The following C20orf203 variants were observed in gnomAD, a reference collection of about 807,000 sequenced individuals.
C20orf203 encodes uncharacterized protein C20orf203.
In C20orf203, 16 loss-of-function variants were observed where a neutral mutation model predicts 15.9. That is an observed-to-expected ratio of 1.01 (90% confidence interval 0.68 to 1.53). The LOEUF (loss-of-function observed/expected upper bound fraction) is 1.53. Ranked by LOEUF, C20orf203 falls within the 40% of genes most tolerant of loss-of-function variation. The pLI is 0.00. For synonymous variants in C20orf203, 98 were observed against 97.2 expected (o/e 1.01, Z -0.05); for missense variants, 263 against 247.5 (o/e 1.06, Z -0.42).
Position 32,663,489 on chromosome 20 carries a change from T to C in C20orf203, c.-264+10143A>G, listed in dbSNP as rs2145680435. ...ATTAAAATGCACACATATATACATA[T>C]ATATATGATCTATATGGAAAAACAA... On this transcript the variant is annotated intron_variant, in intron 1 of 5. Coordinates refer to ENST00000608990, the MANE Select transcript of C20orf203 (RefSeq NM_182584.4). Among the ~76,000 whole-genome samples the C allele has an allele frequency of 2.0e-5, 3 of 152,276 alleles. No individual in the cohort carries two copies. The Middle Eastern group carries it at 0.01, about 518-fold the overall frequency.
chr20:32,637,950 G>GTGTGTGTGCAGGTGCATGTATGGGCA (rs1982182704), intron 5 of C20orf203, among the ~76,000 whole-genome samples: 1 of 151,922 alleles, frequency 6.6e-6, no homozygotes, highest in Non-Finnish European at 1.5e-5. Flanking sequence ...ATGTATGGGC[G>GTGTGTGTGCAGGTGCATGTATGGGCA]TGTGTGTGCG....
Position 32,651,107 on chromosome 20 carries a change from G to A in C20orf203, c.46C>T (p.Leu16=), listed in dbSNP as rs773780235. The A allele has an allele frequency of 8.5e-6, 12 of 1,413,684 alleles. No homozygotes were observed. Among genetic ancestry groups the A allele is most frequent in the African/African-American group, 1.4e-5 (1 of 69,146 alleles). The allele number at this position is 1,413,684 out of a possible 1,614,324, so 87.6% of individuals were successfully genotyped here. The change falls in exon 3 of 6, where the codon CTG becomes TTG. Residue 16 remains leucine (L), a synonymous_variant. Coordinates refer to ENST00000608990, the MANE Select transcript of C20orf203 (RefSeq NM_182584.4). ...TCCAGCATGTTGGGAGGCTGAGGCA[G>A]GAGAATCGCTTGAGCCCGGGAGTTC... is the stretch of plus-strand genomic sequence containing the variant. ...VLNSRAQAIL[L]PQPPNMLDHR... is the part of the protein sequence containing the mutation.
chr20:32,645,450 ATGACCC>A (rs1376449435), intron 4 of C20orf203, among the ~76,000 whole-genome samples: 1 of 152,076 alleles, frequency 6.6e-6, no homozygotes, highest in African/African-American at 2.4e-5. Flanking sequence ...CCTCTCCTTG[ATGACCC>A]TGCCCCCCTG....
intron 1 of C20orf203, among the ~76,000 whole-genome samples, chr20:32,666,900 C>T (rs1983050157): frequency 1.4e-5 from 2 of 147,074 alleles, no homozygotes; most frequent in Non-Finnish European, 1.5e-5. Context: ...CCTCCCACCT[C>T]GGCCTCTCAA....
At chr20:32,652,505 G>T (rs1982660711) in intron 1 of C20orf203, among the ~76,000 whole-genome samples, 1 of 151,604 alleles carries the variant, frequency 6.6e-6, no homozygotes, top group Admixed American at 6.6e-5. Flanking sequence ...CAGCCCTGGG[G>T]GTCATGGGGG....
At chr20:32,672,728 C>T (rs1342879421) in intron 1 of C20orf203, among the ~76,000 whole-genome samples, 1 of 152,118 alleles carries the variant, frequency 6.6e-6, no homozygotes, top group Non-Finnish European at 1.5e-5. Flanking sequence ...GGGACTCTTC[C>T]TCCTCTACCC....
At chr20:32,667,033 C>T (rs2145682522) in intron 1 of C20orf203, among the ~76,000 whole-genome samples, 1 of 150,844 alleles carries the variant, frequency 6.6e-6, no homozygotes, top group African/African-American at 2.4e-5. Flanking sequence ...GATTTACATC[C>T]TTTTTTTTGA....
intron 1 of C20orf203, among the ~76,000 whole-genome samples, chr20:32,671,499 G>GA (rs529068911): frequency 6.5e-4 from 98 of 150,650 alleles, no homozygotes; most frequent in Middle Eastern, 3.4e-3. Context: ...GTAGAAGAAA[G>GA]AAAAAAAATA....
At chr20:32,645,961 G>A (rs1302467877) in intron 4 of C20orf203, among the ~76,000 whole-genome samples, 2 of 152,130 alleles carry the variant, frequency 1.3e-5, no homozygotes, top group African/African-American at 4.8e-5. Flanking sequence ...GGTCACTTGG[G>A]GTAGACACCT....
rs141447743 is a variant in C20orf203, at chr20:32,668,738, G to T, written c.-264+4894C>A. On this transcript the variant is annotated intron_variant, in intron 1 of 5. Coordinates refer to ENST00000608990, the MANE Select transcript of C20orf203 (RefSeq NM_182584.4). ...CTAGGGAGGCTGAGGTAGGAGAATT[G>T]CTTGAACTCGGGAGGTTGCAGTGAG... 3.9e-3 allele frequency among the ~76,000 whole-genome samples: 589 copies of T among 152,212 alleles called. 4 individuals are homozygous for T. The highest frequency in any genetic ancestry group is 0.013 in the African/African-American group (532 of 41,546).
chr20:32,637,234 G>A (rs553762433), intron 5 of C20orf203, among the ~76,000 whole-genome samples: 1 of 152,312 alleles, frequency 6.6e-6, no homozygotes, highest in Admixed American at 6.5e-5. Context: ...CCAACATGGT[G>A]AAACCCCATC....
chr20:32,661,091 T>A (rs1340907585), intron 1 of C20orf203, among the ~76,000 whole-genome samples: 2 of 151,898 alleles, frequency 1.3e-5, no homozygotes, highest in East Asian at 3.9e-4. Context: ...ATCAAGGTGT[T>A]CAGAGGGAGG....
In C20orf203 at chr20:32,634,081, C is replaced by T; in HGVS notation, c.*1489G>A. On this transcript the variant is annotated 3_prime_UTR_variant, in exon 6 of 6. Transcript: ENST00000608990. Reference sequence around the variant, plus strand: ...GTTGGGAATTCCGAGATGAATCCAGCCTGAGCTTTGTCCTTGGGGGACACA... The same window carrying T: ...GTTGGGAATTCCGAGATGAATCCAGTCTGAGCTTTGTCCTTGGGGGACACA... 2.5e-6 allele frequency: 1 copy of T among 398,618 alleles called. No individual in the cohort carries two copies. The highest frequency in any genetic ancestry group is 3.6e-5 in the East Asian group (1 of 28,078). 24.7% of individuals were successfully genotyped at this position (398,618 alleles called of 1,614,324 possible).
In C20orf203 at chr20:32,633,962, G is replaced by A. The variant is rs140126605; in HGVS notation, c.*1608C>T. The A allele has an allele frequency of 2.1e-3, 836 of 398,466 alleles. 1 individual carries two copies. The highest frequency in any genetic ancestry group is 3.2e-3 in the Non-Finnish European group (728 of 226,110). 24.7% of individuals were successfully genotyped at this position (398,466 alleles called of 1,614,324 possible). ...GCCTGAGCTTCAGCTTCCCCACTCCGGACTGTTTCATGCGTTCATTCATGT... is the reference window on the plus strand; with the variant it reads ...GCCTGAGCTTCAGCTTCCCCACTCCAGACTGTTTCATGCGTTCATTCATGT... On this transcript the variant is annotated 3_prime_UTR_variant, in exon 6 of 6. Coordinates refer to ENST00000608990, the MANE Select transcript of C20orf203 (RefSeq NM_182584.4).
At chr20:32,646,442 G>A (rs1982435303) in intron 4 of C20orf203, among the ~76,000 whole-genome samples, 1 of 152,122 alleles carries the variant, frequency 6.6e-6, no homozygotes, top group Non-Finnish European at 1.5e-5. Context: ...CTGGCCTCAA[G>A]TGATCCACCC....
intron 4 of C20orf203, among the ~76,000 whole-genome samples, chr20:32,646,774 G>A (rs545429563): frequency 3.9e-4 from 60 of 152,344 alleles, no homozygotes; most frequent in African/African-American, 1.4e-3. Flanking sequence ...CTGATTACAT[G>A]ATGACTGCAC....
intron 1 of C20orf203, chr20:32,657,659 G>T (rs552759245): frequency 6.6e-6 from 1 of 151,548 alleles, no homozygotes; most frequent in Non-Finnish European, 1.5e-5. Flanking sequence ...AAAAAAGCAG[G>T]TTCAAAAATA....
chr20:32,653,024 T>C (rs935738787), intron 1 of C20orf203, among the ~76,000 whole-genome samples: 1 of 152,160 alleles, frequency 6.6e-6, no homozygotes, highest in Non-Finnish European at 1.5e-5. Context: ...CAGCAGCTCC[T>C]GGAAAATAGG....
At chr20:32,634,413 C>G (rs925171290) in intron 5 of C20orf203, 143 bp from the exon 6 acceptor site, 1 of 394,158 alleles carries the variant, frequency 2.5e-6, no homozygotes, top group Admixed American at 4.4e-5. Context: ...CCAAGCTGTC[C>G]TCAGGTGTGG....
Sources: gnomAD v4.1 joint callset for allele counts (sites outside exome capture counted in the v4.1 genomes callset) on GRCh38, gnomAD v4.1.1 for gene constraint, MANE v1.5 for transcripts, NCBI Gene and HGNC (gene_info 2026-07-23, HGNC 2026-07-21) for gene names.